The following ZC3H14 variants were observed in gnomAD, a reference collection of about 807,000 sequenced individuals.
ZC3H14 encodes the protein zinc finger CCCH-type containing 14.
Under a neutral mutation model 92.4 loss-of-function variants are expected in ZC3H14, and 31 were observed. That is an observed-to-expected ratio of 0.34 (90% confidence interval 0.25 to 0.45). ZC3H14 has a LOEUF of 0.45. Among genes scored for constraint, ZC3H14 ranks in the 20% least tolerant of loss-of-function variants. The probability of loss-of-function intolerance (pLI) is 1.00; values close to 1 mark genes in which losing one functional copy is unlikely to be tolerated. For synonymous variants in ZC3H14, 321 were observed against 300.9 expected (o/e 1.07, Z -0.69); for missense variants, 781 against 897.3 (o/e 0.87, Z 1.66).
At chr14:88,567,733 T>G in intron 2 of ZC3H14, 1 of 379,646 alleles carries the variant, frequency 2.6e-6, no homozygotes, top group Non-Finnish European at 5.0e-6. Context: ...TCCCATAAGC[T>G]TCTTTGAAAT....
At chr14:88,565,991 CCGAGTAGCTGGGA>C (rs1306152114) in intron 2 of ZC3H14, among the ~76,000 whole-genome samples, 2 of 116,556 alleles carry the variant, frequency 1.7e-5, no homozygotes, top group Non-Finnish European at 3.4e-5. Flanking sequence ...CCTCAGCTTC[CCGAGTAGCTGGGA>C]TTACAGGCAC....
chr14:88,580,016 A>G (rs2081686220), intron 9 of ZC3H14, among the ~76,000 whole-genome samples: 1 of 152,118 alleles, frequency 6.6e-6, no homozygotes, highest in Non-Finnish European at 1.5e-5. Flanking sequence ...TGGGCAGCAT[A>G]GCAAAACCCT....
Position 88,613,404 on chromosome 14 carries a change from G to T in ZC3H14, c.*1653G>T, listed in dbSNP as rs1170793208. Reference sequence around the variant, plus strand: ...AATACTTTTAGCTATCATTTATAAAGATAGTTTTGTTCTCAGTTTCACTAT... The same window carrying T: ...AATACTTTTAGCTATCATTTATAAATATAGTTTTGTTCTCAGTTTCACTAT... On this transcript the variant is annotated 3_prime_UTR_variant, in exon 17 of 17. Coordinates refer to ENST00000251038, the MANE Select transcript of ZC3H14 (RefSeq NM_024824.5). 6.6e-6 allele frequency: 1 copy of T among 151,754 alleles called. No homozygotes were observed. Among genetic ancestry groups the T allele is most frequent in the Non-Finnish European group, 1.5e-5 (1 of 68,014 alleles). The allele number at this position is 151,754 out of a possible 1,614,324, so 9.4% of individuals were successfully genotyped here.
At chr14:88,565,588 A>T (rs1355776532) in intron 2 of ZC3H14, among the ~76,000 whole-genome samples, 1 of 152,232 alleles carries the variant, frequency 6.6e-6, no homozygotes, top group African/African-American at 2.4e-5. Flanking sequence ...TTAAAGATTT[A>T]TTTAAACTCT....
chr14:88,609,534 C>T, intron 14 of ZC3H14, 131 bp downstream of exon 14: 1 of 1,444,788 alleles, frequency 6.9e-7, no homozygotes, highest in Non-Finnish European at 9.6e-7. Context: ...TCCAACCAGT[C>T]TTTAAAGAGC....
chr14:88,572,757 C>G lies in ZC3H14; in HGVS notation c.611C>G (p.Thr204Arg). Reference protein sequence around the residue: ...LSQKKPTVTLTYGSSRPSIEI... With the variant: ...LSQKKPTVTLRYGSSRPSIEI... ...CAGAAAAAACCTACAGTGACACTTA[C>G]ATATGGTTCTTCTCGCCCTTCTATT... Residue 204 changes from threonine to arginine, a missense_variant, in exon 6 of 17, where the codon ACA (threonine) becomes AGA (arginine). Transcript: ENST00000251038. The G allele has an allele frequency of 1.2e-6, 2 of 1,614,216 alleles. No homozygotes were observed. Among genetic ancestry groups the G allele is most frequent in the African/African-American group, 1.3e-5 (1 of 75,054 alleles).
rs772949764 is a variant in ZC3H14 at position 88,572,105 on chromosome 14, G to A, written c.311G>A (p.Arg104Gln). ...CCTTCAAACAAGAGCAATTTCAGTC[G>A]GGGAGATGAGAGGAGGCATGAAGCT... The part of the protein sequence containing the change: ...NVPSNKSNFS[R>Q]GDERRHEAAV... The change falls in exon 5 of 17, where the codon CGG becomes CAG. Residue 104 changes from arginine (R) to glutamine (Q), a missense_variant. By Grantham distance (43) the Arg-to-Gln change is conservative. This residue lies in a region of ZC3H14 where 106 missense variants were observed against 154.2 expected (regional missense o/e 0.69). Transcript: ENST00000251038. 1.4e-5 allele frequency: 22 copies of A among 1,613,920 alleles called. No individual in the cohort carries two copies. Among genetic ancestry groups the A allele is most frequent in the South Asian group, 5.5e-5 (5 of 91,086 alleles).
At chr14:88,611,410 A>G (rs2086723122) in intron 16 of ZC3H14, among the ~76,000 whole-genome samples, 1 of 152,144 alleles carries the variant, frequency 6.6e-6, no homozygotes, top group Non-Finnish European at 1.5e-5. Context: ...TTAACTTCTC[A>G]TTATATACTA....
At chr14:88,607,924 GCA>G (rs2085808347) in intron 13 of ZC3H14, among the ~76,000 whole-genome samples, 2 of 57,798 alleles carry the variant, frequency 3.5e-5, no homozygotes, top group Admixed American at 2.8e-4. Flanking sequence ...ACCTCACCCT[GCA>G]AGTACCATCC....
intron 9 of ZC3H14, among the ~76,000 whole-genome samples, chr14:88,586,319 T>C (rs964213295): frequency 1.3e-5 from 2 of 152,242 alleles, no homozygotes; most frequent in African/African-American, 4.8e-5. Context: ...TCCAATATTT[T>C]GAAGTATTTT....
At chr14:88,602,716 T>G (rs1356491248) in intron 11 of ZC3H14, 112 bp from the exon 12 acceptor site, 1 of 1,162,244 alleles carries the variant, frequency 8.6e-7, no homozygotes, top group Non-Finnish European at 1.3e-6. Context: ...CTTTTTTTAT[T>G]GAACCAAACG....
intron 9 of ZC3H14, chr14:88,594,470 G>A: frequency 7.6e-7 from 1 of 1,309,474 alleles, no homozygotes; most frequent in African/African-American, 1.5e-5. Flanking sequence ...GGGCTTCTTA[G>A]TTGTAGCGAA....
chr14:88,590,012 C>G (rs2082920110), intron 9 of ZC3H14: 1 of 152,238 alleles, frequency 6.6e-6, no homozygotes. Flanking sequence ...TGCCTGTAGT[C>G]CCAGCTACTC....
In ZC3H14 at chr14:88,572,584, T is replaced by A; in HGVS notation, c.438T>A (p.Thr146=). The A allele has an allele frequency of 6.2e-7, 1 of 1,614,172 alleles. No individual in the cohort carries two copies. The highest frequency in any genetic ancestry group is 8.5e-7 in the Non-Finnish European group (1 of 1,180,040). Reference sequence around the variant, plus strand: ...TTGTTGTTCTTTTAAATAGACAGACTTACGATGATGGAGCTGCAACCCGAC... The same window carrying A: ...TTGTTGTTCTTTTAAATAGACAGACATACGATGATGGAGCTGCAACCCGAC... ...QESKTTNVRQ[T]YDDGAATRLM... is the part of the protein sequence containing the mutation. Residue 146 remains threonine, a synonymous_variant, in exon 6 of 17, where the codon ACT becomes ACA. Coordinates refer to ENST00000251038, the MANE Select transcript of ZC3H14 (RefSeq NM_024824.5).
In ZC3H14 at chr14:88,613,501, A is replaced by G. The variant is rs1028899732; in HGVS notation, c.*1750A>G. The G allele has an allele frequency of 5.9e-5, 9 of 152,208 alleles. No homozygotes were observed. Among genetic ancestry groups the G allele is most frequent in the Non-Finnish European group, 1.2e-4 (8 of 68,028 alleles). The allele number at this position is 152,208 out of a possible 1,614,324, so 9.4% of individuals were successfully genotyped here. A position where few individuals can be genotyped will look rare whatever the true frequency, so the allele number is the denominator to read the frequency against. ...TTTTACAAGGAAATAATAAAATACT[A>G]AAATCTGATTGTTTTTTGCTATTTA... On this transcript the variant is annotated 3_prime_UTR_variant, in exon 17 of 17. Coordinates refer to ENST00000251038, the MANE Select transcript of ZC3H14 (RefSeq NM_024824.5).
At position 88,568,158 on chromosome 14, in the gene ZC3H14, G is replaced by A; in HGVS notation, c.194+5G>A. On this transcript the variant is annotated splice_donor_5th_base_variant and intron_variant, in intron 3 of 16. Coordinates refer to ENST00000251038, the MANE Select transcript of ZC3H14 (RefSeq NM_024824.5). ...CACAATTCGATTCACCGTATGGTAT[G>A]TTTCTGAATTTTTGTGCCTCAGACC... 1 of 1,613,106 alleles carries A rather than the reference G, an allele frequency of 6.2e-7. No individual in the cohort carries two copies. The highest frequency in any genetic ancestry group is 8.5e-7 in the Non-Finnish European group (1 of 1,179,230).
Position 88,627,127 on chromosome 14 carries a change from T to C in ZC3H14, c.*15376T>C, listed in dbSNP as rs2090034167. On this transcript the variant is annotated 3_prime_UTR_variant, in exon 17 of 17. Transcript: ENST00000251038. ...GCATCAAACAAATATGTAAAATACA[T>C]AGTTCAAAAAACAAAGGCTTAGAAG... is the stretch of plus-strand genomic sequence containing the variant. 6 of 1,445,710 alleles carry C rather than the reference T, an allele frequency of 4.2e-6. No homozygotes were observed. Among genetic ancestry groups the C allele is most frequent in the Admixed American group, 1.7e-5 (1 of 58,322 alleles). 89.6% of individuals were successfully genotyped at this position (1,445,710 alleles called of 1,614,324 possible).
In ZC3H14 at chr14:88,621,891, T is replaced by A. The variant is rs780363115; in HGVS notation, c.*10140T>A. 4 of 456,384 alleles carry A rather than the reference T, an allele frequency of 8.8e-6. No individual in the cohort carries two copies. In the Middle Eastern group the frequency reaches 9.7e-4, roughly 111 times the overall value. 28.3% of individuals were successfully genotyped at this position (456,384 alleles called of 1,614,324 possible). A position where few individuals can be genotyped will look rare whatever the true frequency, so the allele number is the denominator to read the frequency against. Reference sequence around the variant, plus strand: ...TTTGTGATGGAAACTTTCAAAATCCTCTCTTGTAAATACCTGAAAATACAT... The same window carrying A: ...TTTGTGATGGAAACTTTCAAAATCCACTCTTGTAAATACCTGAAAATACAT... On this transcript the variant is annotated 3_prime_UTR_variant, in exon 17 of 17. Coordinates refer to ENST00000251038, the MANE Select transcript of ZC3H14 (RefSeq NM_024824.5).
At chr14:88,593,456 T>C (rs2083407626) in intron 9 of ZC3H14, among the ~76,000 whole-genome samples, 1 of 152,188 alleles carries the variant, frequency 6.6e-6, no homozygotes, top group Non-Finnish European at 1.5e-5. Flanking sequence ...GGCAAGGTTA[T>C]GTTGCTTGAT....
Sources: allele counts gnomAD v4.1 joint callset (sites outside exome capture counted in the v4.1 genomes callset), GRCh38; gene constraint gnomAD v4.1.1; regional missense constraint gnomAD v4.1.1; transcripts MANE v1.5; gene names NCBI Gene and HGNC (gene_info 2026-07-23, HGNC 2026-07-21).